GALNT3: variants seen among roughly 807,000 people sequenced by gnomAD.
GALNT3 encodes the protein GalNAc transferase 3.
GALNT3 carries 51 observed loss-of-function variants against 69.8 expected under a neutral mutation model. That is an observed-to-expected ratio of 0.73 (90% CI 0.58 to 0.92). The LOEUF is 0.92. Ranked by LOEUF, GALNT3 falls within the 40% of genes least tolerant of loss-of-function variation. The pLI, the probability that GALNT3 is intolerant of heterozygous loss-of-function variation, is 0.00. For synonymous variants in GALNT3, 265 were observed against 248.5 expected (o/e 1.07, Z -0.63); for missense variants, 711 against 760.0 (o/e 0.94, Z 0.76).
chr2:165,780,089 C>T (rs546404611), intron 1 of GALNT3, among the ~76,000 whole-genome samples: 2 of 152,166 alleles, frequency 1.3e-5, no homozygotes, highest in South Asian at 2.1e-4. Flanking sequence ...GCAGCGCTAT[C>T]CCAGTCAACT....
In GALNT3 at chr2:165,749,879, C is replaced by T; in HGVS notation, c.1642G>A (p.Ala548Thr). The T allele has an allele frequency of 1.2e-6, 2 of 1,613,432 alleles. No homozygotes were observed. Among genetic ancestry groups the T allele is most frequent in the Non-Finnish European group, 1.7e-6 (2 of 1,179,540 alleles). The change falls in exon 10 of 11, where the codon GCT becomes ACT. Residue 548 changes from alanine (A) to threonine (T), a missense_variant. Physicochemically the swap from Ala to Thr is moderately conservative, Grantham distance 58. Transcript: ENST00000392701. ...LGGNQYFEYSAQHEIRHNIQK... is the reference protein window; with the variant it reads ...LGGNQYFEYSTQHEIRHNIQK... ...ATGTTGTGCCGAATTTCATGTTGAG[C>T]AGAGTATTCAAAGTACTATGGAAGG...
intron 9 of GALNT3, 101 bp downstream of exon 9, chr2:165,754,526 A>T: frequency 1.2e-6 from 1 of 829,396 alleles, no homozygotes; most frequent in Non-Finnish European, 2.0e-6. Context: ...CACACAGCTT[A>T]CCCAAGTATA....
rs553629494 is a variant in GALNT3, at chr2:165,791,658, C to T, written c.-109+2357G>A. Among the ~76,000 whole-genome samples, 20 of 152,180 alleles carry T rather than the reference C, an allele frequency of 1.3e-4. 1 individual carries two copies. In the South Asian group the frequency reaches 4.1e-3, roughly 32 times the overall value. On this transcript the variant is annotated intron_variant, in intron 1 of 10. Coordinates refer to ENST00000392701, the MANE Select transcript of GALNT3 (RefSeq NM_004482.4). The stretch of plus-strand genomic sequence containing the variant: ...TGGAGTGTTGCAAATGGATGAAAGG[C>T]ACTGGGTAGCTGCCTCATAAAATAT...
chr2:165,770,595 A>G lies in GALNT3; in HGVS notation c.106T>C (p.Leu36=). Residue 36 remains leucine, a synonymous_variant, in exon 2 of 11, where the codon TTA becomes CTA. Coordinates refer to ENST00000392701, the MANE Select transcript of GALNT3 (RefSeq NM_004482.4). ...TGAACACTTACTTCTCTTTGCATTA[A>G]AACCAAAACTATTATAAAGAAAAAA... ...VIFFFIIVLV[L]MQREVSVQYS... is the part of the protein sequence containing the mutation. The G allele has an allele frequency of 1.9e-6, 3 of 1,608,142 alleles. No individual in the cohort carries two copies. Among genetic ancestry groups the G allele is most frequent in the Non-Finnish European group, 2.5e-6 (3 of 1,177,244 alleles).
intron 3 of GALNT3, among the ~76,000 whole-genome samples, chr2:165,763,933 A>G (rs1417637766): frequency 6.6e-6 from 1 of 152,188 alleles, no homozygotes; most frequent in Non-Finnish European, 1.5e-5. Context: ...GATGAGGATA[A>G]TCGGACTCAC....
rs113318141 is a variant in GALNT3 at position 165,751,015 on chromosome 2, T to C, written c.1627-1121A>G. 3.3e-3 allele frequency among the ~76,000 whole-genome samples: 506 copies of C among 152,260 alleles called. 1 individual carries two copies. Among genetic ancestry groups the C allele is most frequent in the African/African-American group, 0.012 (480 of 41,558 alleles). On this transcript the variant is annotated intron_variant, in intron 9 of 10. Transcript: ENST00000392701. ...ATCTTTTCAAGGTTCCCATAGTACA[T>C]CAGAGATAACTTTTCTAGCACTCTA...
intron 2 of GALNT3, among the ~76,000 whole-genome samples, chr2:165,768,111 ATCCCAGCACTT>A (rs892740950): frequency 6.6e-6 from 1 of 152,112 alleles, no homozygotes; most frequent in Non-Finnish European, 1.5e-5. Context: ...CATGCCTTTA[ATCCCAGCACTT>A]TGGGAGGCCA....
At chr2:165,767,529 A>T (rs1422306205) in intron 2 of GALNT3, among the ~76,000 whole-genome samples, 1 of 152,234 alleles carries the variant, frequency 6.6e-6, no homozygotes, top group Non-Finnish European at 1.5e-5. Context: ...AATTACCAAT[A>T]TCAAGTACAA....
chr2:165,748,951 A>T, intron 10 of GALNT3, 48 bp from the exon 11 acceptor site: 1 of 1,559,452 alleles, frequency 6.4e-7, no homozygotes, highest in East Asian at 2.3e-5. Flanking sequence ...ACTCATAGTT[A>T]AGTGACAAAT....
chr2:165,763,317 T>G (rs1688584553), intron 3 of GALNT3, among the ~76,000 whole-genome samples: 1 of 152,194 alleles, frequency 6.6e-6, no homozygotes, highest in Non-Finnish European at 1.5e-5. Context: ...ACTTTATCTG[T>G]GATAATATAA....
chr2:165,765,251 C>T (rs1688617979), intron 2 of GALNT3, among the ~76,000 whole-genome samples, 195 bp from the exon 3 acceptor site: 1 of 151,962 alleles, frequency 6.6e-6, no homozygotes, highest in African/African-American at 2.4e-5. Context: ...ATCACTCACC[C>T]AGAGATGATG....
At chr2:165,787,851 C>T (rs956518291) in intron 1 of GALNT3, among the ~76,000 whole-genome samples, 3 of 152,148 alleles carry the variant, frequency 2.0e-5, no homozygotes, top group African/African-American at 7.2e-5. Context: ...ATTTCAATTA[C>T]AAAGTTAACT....
chr2:165,758,835 G>GA lies in GALNT3; in HGVS notation c.1102dup (p.Ser368PhefsTer8), dbSNP rs1169338996. 3 of 1,610,454 alleles carry GA rather than the reference G, an allele frequency of 1.9e-6. No individual in the cohort carries two copies. Among genetic ancestry groups the GA allele is most frequent in the Non-Finnish European group, 8.5e-7 (1 of 1,177,082 alleles). On this transcript the variant is annotated frameshift_variant, in exon 6 of 11. Transcript: ENST00000392701. LOFTEE classifies it high-confidence loss of function. ...ATACTCAAAATATTCTTTTGATATG[G>GA]AAAAAAGTCCTCCTGCAAAAGTGGG...
At chr2:165,786,580 T>C (rs1423153879) in intron 1 of GALNT3, among the ~76,000 whole-genome samples, 1 of 152,242 alleles carries the variant, frequency 6.6e-6, no homozygotes, top group Non-Finnish European at 1.5e-5. Flanking sequence ...ATTGTGTAAA[T>C]AGTTGTTATA....
chr2:165,769,249 T>C (rs1474549406), intron 2 of GALNT3, among the ~76,000 whole-genome samples: 1 of 142,810 alleles, frequency 7.0e-6, no homozygotes, highest in African/African-American at 2.6e-5. Context: ...CTATTAAAAA[T>C]ACAAAAATTA....
intron 1 of GALNT3, among the ~76,000 whole-genome samples, chr2:165,788,581 AC>A (rs1683278762): frequency 2.6e-5 from 4 of 151,488 alleles, no homozygotes; most frequent in Admixed American, 2.0e-4. Context: ...AGGACACCTC[AC>A]CCTGCTCAGG....
chr2:165,770,072 T>C, intron 2 of GALNT3, 114 bp downstream of exon 2: 1 of 1,146,080 alleles, frequency 8.7e-7, no homozygotes, highest in Non-Finnish European at 1.3e-6. Flanking sequence ...TAAACAGTAT[T>C]TGCTGATTTT....
intron 1 of GALNT3, among the ~76,000 whole-genome samples, chr2:165,785,814 C>T (rs1683207762): frequency 6.6e-6 from 1 of 152,118 alleles, no homozygotes; most frequent in South Asian, 2.1e-4. Context: ...GGACAGATTG[C>T]TCCAGTAAGG....
chr2:165,788,066 C>T (rs1683260320), intron 1 of GALNT3, among the ~76,000 whole-genome samples: 1 of 152,158 alleles, frequency 6.6e-6, no homozygotes, highest in African/African-American at 2.4e-5. Flanking sequence ...CGGTGGCTCA[C>T]ACCTATAATC....
Sources: allele counts gnomAD v4.1 joint callset (sites outside exome capture counted in the v4.1 genomes callset), GRCh38; gene constraint gnomAD v4.1.1; transcripts MANE v1.5; gene names NCBI Gene and HGNC (gene_info 2026-07-23, HGNC 2026-07-21).